Variants in TRIO observed in about 807,000 individuals in gnomAD.
TRIO encodes the protein trio Rho guanine nucleotide exchange factor.
In TRIO, 58 loss-of-function variants were observed where a neutral mutation model predicts 351.9. That is an observed-to-expected ratio of 0.16 (90% CI 0.13 to 0.21). The LOEUF is 0.21. TRIO is among the 10% of genes least tolerant of loss of function. The pLI is 1.00. For synonymous variants in TRIO, 1,758 were observed against 1,595.7 expected (o/e 1.10, Z -2.42); for missense variants, 3,201 against 4,027.8 (o/e 0.79, Z 5.56).
intron 1 of TRIO, among the ~76,000 whole-genome samples, chr5:14,227,510 T>C (rs935326897): frequency 6.6e-6 from 1 of 152,240 alleles, no homozygotes; most frequent in Non-Finnish European, 1.5e-5. Flanking sequence ...TAATGCAGTC[T>C]GCTGGGGAGT....
chr5:14,349,268 C>T (rs573762751), intron 11 of TRIO, among the ~76,000 whole-genome samples: 4 of 121,098 alleles, frequency 3.3e-5, no homozygotes, highest in Non-Finnish European at 5.2e-5. Context: ...TGTGTTTTTC[C>T]TGTGTGTATG....
At chr5:14,284,668 C>G (rs1056453039) in intron 3 of TRIO, among the ~76,000 whole-genome samples, 1 of 152,072 alleles carries the variant, frequency 6.6e-6, no homozygotes. Flanking sequence ...CTTTGTAGTT[C>G]GTGTGCATAC....
At chr5:14,490,977 T>A (rs1019001641) in intron 48 of TRIO, among the ~76,000 whole-genome samples, 1 of 152,212 alleles carries the variant, frequency 6.6e-6, no homozygotes, top group African/African-American at 2.4e-5. Flanking sequence ...CACGCTTTTT[T>A]GCTGAAGAGC....
intron 1 of TRIO, among the ~76,000 whole-genome samples, chr5:14,270,407 C>A (rs748021535): frequency 1.3e-5 from 2 of 152,178 alleles, no homozygotes; most frequent in Non-Finnish European, 2.9e-5. Context: ...TTGAGCTCCC[C>A]CTAGAGGTTT....
intron 53 of TRIO, chr5:14,499,098 C>G (rs556360400): frequency 6.2e-6 from 1 of 160,622 alleles, no homozygotes; most frequent in African/African-American, 2.4e-5. Context: ...GGGTGAGTCC[C>G]GGGCCTGCGC....
chr5:14,360,672 C>T (rs1744068951), intron 13 of TRIO, among the ~76,000 whole-genome samples: 1 of 152,230 alleles, frequency 6.6e-6, no homozygotes, highest in Non-Finnish European at 1.5e-5. Context: ...GGCCGTGTGG[C>T]TTCCCCTGGG....
intron 34 of TRIO, among the ~76,000 whole-genome samples, chr5:14,430,038 C>G (rs137938297): frequency 6.6e-6 from 1 of 152,012 alleles, no homozygotes; most frequent in Admixed American, 6.6e-5. Flanking sequence ...ATATATACAG[C>G]GCTGCGGGAG....
chr5:14,400,424 C>T (rs1747974396), intron 30 of TRIO, among the ~76,000 whole-genome samples: 1 of 152,192 alleles, frequency 6.6e-6, no homozygotes. Flanking sequence ...CCTTTCTCTG[C>T]ATGCTTCCAT....
intron 34 of TRIO, among the ~76,000 whole-genome samples, chr5:14,460,372 G>A (rs1266964270): frequency 6.6e-6 from 1 of 152,176 alleles, no homozygotes; most frequent in African/African-American, 2.4e-5. Context: ...CCGCTCCTCC[G>A]AGAGCCCCAC....
intron 30 of TRIO, among the ~76,000 whole-genome samples, chr5:14,400,012 C>T (rs1418752869): frequency 3.9e-5 from 6 of 152,208 alleles, no homozygotes; most frequent in Admixed American, 6.5e-5. Flanking sequence ...TGAAATTCTT[C>T]AGGTAATAAA....
chr5:14,300,532 A>G (rs1737786573), intron 7 of TRIO, among the ~76,000 whole-genome samples: 1 of 152,228 alleles, frequency 6.6e-6, no homozygotes, highest in African/African-American at 2.4e-5. Context: ...TGAACCACAC[A>G]TCCGATCACC....
intron 36 of TRIO, 41 bp from the exon 37 acceptor site, chr5:14,465,504 G>A (rs1197155292): frequency 1.9e-6 from 3 of 1,599,292 alleles, no homozygotes; most frequent in Non-Finnish European, 2.6e-6. Context: ...ACTAATGTGA[G>A]CCCTTGCCCC....
chr5:14,247,048 A>G (rs1407241350), intron 1 of TRIO, among the ~76,000 whole-genome samples: 1 of 152,068 alleles, frequency 6.6e-6, no homozygotes, highest in African/African-American at 2.4e-5. Flanking sequence ...GTAGCAGGCC[A>G]CCGCTGTCTG....
At chr5:14,464,585 C>T (rs1196964503) in intron 36 of TRIO, among the ~76,000 whole-genome samples, 1 of 151,872 alleles carries the variant, frequency 6.6e-6, no homozygotes, top group Non-Finnish European at 1.5e-5. Context: ...TCTTTGTTTT[C>T]TTCACCCCAT....
chr5:14,440,230 G>A (rs924981609), intron 34 of TRIO, among the ~76,000 whole-genome samples: 1 of 152,188 alleles, frequency 6.6e-6, no homozygotes, highest in Non-Finnish European at 1.5e-5. Context: ...CAAAGAAATT[G>A]TAAGCAGCTC....
At chr5:14,474,259 C>T (rs1561532484) in intron 40 of TRIO, among the ~76,000 whole-genome samples, 162 bp downstream of exon 40, 1 of 152,202 alleles carries the variant, frequency 6.6e-6, no homozygotes, top group Non-Finnish European at 1.5e-5. Context: ...AGGAGTTCTG[C>T]AGTAGCATTT....
At chr5:14,304,342 C>T in intron 7 of TRIO, 119 bp from the exon 8 acceptor site, 1 of 1,029,234 alleles carries the variant, frequency 9.7e-7, no homozygotes, top group Non-Finnish European at 1.4e-6. Flanking sequence ...GGAGAGTCAA[C>T]CATGTTAAAT....
intron 40 of TRIO, among the ~76,000 whole-genome samples, chr5:14,474,927 A>G (rs967910572): frequency 6.6e-6 from 1 of 152,074 alleles, no homozygotes; most frequent in African/African-American, 2.4e-5. Flanking sequence ...TTCCCACCTC[A>G]GCCTCCCAAA....
At chr5:14,495,797 T>A (rs1259229576) in intron 49 of TRIO, among the ~76,000 whole-genome samples, 1 of 149,396 alleles carries the variant, frequency 6.7e-6, no homozygotes, top group Non-Finnish European at 1.5e-5. Context: ...AAACCCCATC[T>A]CTACTAAAAA....
Sources: gnomAD v4.1 joint callset for allele counts (sites outside exome capture counted in the v4.1 genomes callset) on GRCh38, gnomAD v4.1.1 for gene constraint, MANE v1.5 for transcripts, NCBI Gene and HGNC (gene_info 2026-07-23, HGNC 2026-07-21) for gene names.